EYA4: variants seen among roughly 807,000 people sequenced by gnomAD.
The protein encoded by EYA4 is EYA transcriptional coactivator and phosphatase 4, also known as protein phosphatase EYA4.
In EYA4, 31 loss-of-function variants were observed where a neutral mutation model predicts 87.9. The ratio of observed to expected loss-of-function variants is 0.35; its 90% CI spans 0.27 to 0.48. The LOEUF is 0.48. Among genes scored for constraint, EYA4 ranks in the 20% least tolerant of loss-of-function variants. The probability of loss-of-function intolerance (pLI) is 0.99; values close to 1 mark genes in which losing one functional copy is unlikely to be tolerated. For synonymous variants in EYA4, 263 were observed against 270.6 expected (o/e 0.97, Z 0.28); for missense variants, 678 against 761.4 (o/e 0.89, Z 1.29).
intron 5 of EYA4, among the ~76,000 whole-genome samples, chr6:133,453,198 T>C (rs1793611590): frequency 6.6e-6 from 1 of 152,090 alleles, no homozygotes; most frequent in Non-Finnish European, 1.5e-5. Flanking sequence ...AGATTTGTCT[T>C]ACTAATGAAC....
At chr6:133,330,176 GA>G (rs1363125375) in intron 2 of EYA4, among the ~76,000 whole-genome samples, 1 of 152,080 alleles carries the variant, frequency 6.6e-6, no homozygotes, top group Non-Finnish European at 1.5e-5. Flanking sequence ...TCCACTGATA[GA>G]GATAATAAAG....
At chr6:133,383,944 G>A (rs1786479694) in intron 3 of EYA4, among the ~76,000 whole-genome samples, 1 of 152,264 alleles carries the variant, frequency 6.6e-6, no homozygotes, top group South Asian at 2.1e-4. Flanking sequence ...ACCTATATAA[G>A]TGACCTACCT....
At chr6:133,520,350 CAGAG>C (rs1268863190) in intron 17 of EYA4, among the ~76,000 whole-genome samples, 3 of 117,298 alleles carry the variant, frequency 2.6e-5, no homozygotes, top group Admixed American at 9.9e-5. Context: ...AACAGACAAA[CAGAG>C]AGCCAAATCA....
At chr6:133,273,118 A>ATATATATATATATATATAT (rs1562233057) in intron 1 of EYA4, among the ~76,000 whole-genome samples, 5 of 128,054 alleles carry the variant, frequency 3.9e-5, no homozygotes, top group African/African-American at 1.8e-4. Context: ...TATATATATA[A>ATATATATATATATATATAT]AGGGAAGTTT....
At chr6:133,309,115 G>C (rs1780025315) in intron 2 of EYA4, among the ~76,000 whole-genome samples, 1 of 151,922 alleles carries the variant, frequency 6.6e-6, no homozygotes, top group African/African-American at 2.4e-5. Flanking sequence ...GAAATATTGT[G>C]TTTGAAGAGA....
At chr6:133,260,458 A>T (rs1224610677) in intron 1 of EYA4, among the ~76,000 whole-genome samples, 1 of 152,070 alleles carries the variant, frequency 6.6e-6, no homozygotes, top group Non-Finnish European at 1.5e-5. Context: ...GGCTGGCCTC[A>T]AACTCCTGAC....
At chr6:133,429,030 G>T (rs1352344005) in intron 3 of EYA4, among the ~76,000 whole-genome samples, 2 of 138,642 alleles carry the variant, frequency 1.4e-5, no homozygotes, top group Non-Finnish European at 3.1e-5. Context: ...AGGTTCAAGC[G>T]ATTCTCCTGC....
Position 133,493,234 on chromosome 6 carries a change from G to A in EYA4, c.1191+10119G>A, listed in dbSNP as rs137864127. Among the ~76,000 whole-genome samples, 3 of 152,284 alleles carry A rather than the reference G, an allele frequency of 2.0e-5. No individual in the cohort carries two copies. The East Asian group carries it at 5.8e-4, about 29-fold the overall frequency. On this transcript the variant is annotated intron_variant, in intron 13 of 19. Coordinates refer to ENST00000355286, the MANE Select transcript of EYA4 (RefSeq NM_004100.5). ...ATAGTAACAAAAACAACATGGTACTGTCATAAAAACAGACATATAAAGCAA... is the reference window on the plus strand; with the variant it reads ...ATAGTAACAAAAACAACATGGTACTATCATAAAAACAGACATATAAAGCAA...
At chr6:133,293,607 A>G (rs1778668477) in intron 2 of EYA4, among the ~76,000 whole-genome samples, 1 of 152,114 alleles carries the variant, frequency 6.6e-6, no homozygotes, top group African/African-American at 2.4e-5. Context: ...CACTGGAGTC[A>G]GAGTTAAACT....
intron 13 of EYA4, among the ~76,000 whole-genome samples, chr6:133,486,563 A>AC (rs1382745016): frequency 6.6e-6 from 1 of 152,234 alleles, no homozygotes; most frequent in Non-Finnish European, 1.5e-5. Flanking sequence ...ACAAAACAAA[A>AC]AAAAACACAT....
chr6:133,510,390 T>A, intron 14 of EYA4: 1 of 276,400 alleles, frequency 3.6e-6, no homozygotes, highest in South Asian at 4.3e-5. Flanking sequence ...TTTATTTCAG[T>A]CTACGGACTT....
intron 3 of EYA4, among the ~76,000 whole-genome samples, chr6:133,422,374 G>A (rs865836852): frequency 5.6e-4 from 85 of 152,120 alleles, no homozygotes; most frequent in African/African-American, 2.0e-3. Flanking sequence ...ATATAAAATT[G>A]TATGCATAAT....
intron 2 of EYA4, among the ~76,000 whole-genome samples, chr6:133,277,084 CAT>C (rs2128274811): frequency 6.6e-6 from 1 of 152,128 alleles, no homozygotes. Context: ...AAATAAAGTT[CAT>C]AGTTAGATGA....
intron 1 of EYA4, chr6:133,246,767 G>A (rs896988222): frequency 1.3e-5 from 2 of 151,950 alleles, no homozygotes; most frequent in African/African-American, 2.4e-5. Context: ...CAGGAATTTC[G>A]TGCAAAACAC....
At chr6:133,458,544 G>A (rs1386279167) in intron 6 of EYA4, among the ~76,000 whole-genome samples, 1 of 152,044 alleles carries the variant, frequency 6.6e-6, no homozygotes, top group Non-Finnish European at 1.5e-5. Context: ...TAAAGACTTG[G>A]GCTAATTCTT....
chr6:133,392,372 G>A (rs1433989646), intron 3 of EYA4, among the ~76,000 whole-genome samples: 1 of 151,992 alleles, frequency 6.6e-6, no homozygotes, highest in Admixed American at 6.5e-5. Flanking sequence ...AAGACAGTCA[G>A]CAATCAATAA....
chr6:133,398,570 A>G (rs1787995800), intron 3 of EYA4, among the ~76,000 whole-genome samples: 1 of 152,124 alleles, frequency 6.6e-6, no homozygotes, highest in Non-Finnish European at 1.5e-5. Flanking sequence ...ATTGTCAGTA[A>G]TAAGAGTTAG....
At chr6:133,402,984 G>A (rs369263937) in intron 3 of EYA4, among the ~76,000 whole-genome samples, 1 of 152,128 alleles carries the variant, frequency 6.6e-6, no homozygotes, top group East Asian at 1.9e-4. Flanking sequence ...GCCCTTCAGT[G>A]CCTCGGTTTT....
intron 3 of EYA4, among the ~76,000 whole-genome samples, chr6:133,393,656 A>C (rs1787498307): frequency 1.3e-5 from 2 of 152,184 alleles, no homozygotes; most frequent in African/African-American, 4.8e-5. Flanking sequence ...ATTCTAGAAA[A>C]AGCTACTATT....
Sources: gnomAD v4.1 joint callset for allele counts (sites outside exome capture counted in the v4.1 genomes callset) on GRCh38, gnomAD v4.1.1 for gene constraint, MANE v1.5 for transcripts, NCBI Gene and HGNC (gene_info 2026-07-23, HGNC 2026-07-21) for gene names.